The following SDK1 variants were observed in gnomAD, a reference collection of about 807,000 sequenced individuals.
SDK1 encodes sidekick cell adhesion molecule 1, also known as protein sidekick-1.
SDK1 carries 157 observed loss-of-function variants against 245.5 expected under a neutral mutation model. The observed-to-expected ratio is 0.64, with a 90% CI of 0.56 to 0.73. SDK1 has a LOEUF of 0.73. SDK1 is among the 30% of genes least tolerant of loss of function. The pLI, the probability that SDK1 is intolerant of heterozygous loss-of-function variation, is 0.00. For synonymous variants in SDK1, 1,647 were observed against 1,278.5 expected (o/e 1.29, Z -6.15); for missense variants, 3,583 against 3,002.3 (o/e 1.19, Z -4.52).
chr7:3,538,015 G>GT (rs964982601), intron 1 of SDK1, among the ~76,000 whole-genome samples: 24 of 152,154 alleles, frequency 1.6e-4, no homozygotes, highest in Non-Finnish European at 3.1e-4. Context: ...GGCACTGATG[G>GT]TTTTTTTCCT....
intron 1 of SDK1, among the ~76,000 whole-genome samples, chr7:3,364,014 C>T (rs1781021788): frequency 6.6e-6 from 1 of 152,062 alleles, no homozygotes; most frequent in African/African-American, 2.4e-5. Flanking sequence ...TGTGGTGATA[C>T]CTTATTTTGG....
chr7:3,728,010 G>A (rs1779060618), intron 4 of SDK1, among the ~76,000 whole-genome samples: 1 of 152,110 alleles, frequency 6.6e-6, no homozygotes, highest in African/African-American at 2.4e-5. Flanking sequence ...CAGTTTGAAG[G>A]GGCACTGGTT....
intron 1 of SDK1, among the ~76,000 whole-genome samples, chr7:3,354,791 A>C (rs1291741077): frequency 2.0e-5 from 3 of 152,260 alleles, no homozygotes; most frequent in Non-Finnish European, 4.4e-5. Context: ...ATTATTGACT[A>C]GATTATGCTT....
intron 32 of SDK1, among the ~76,000 whole-genome samples, chr7:4,170,316 G>A (rs1462729005): frequency 6.6e-6 from 1 of 152,098 alleles, no homozygotes; most frequent in African/African-American, 2.4e-5. Context: ...GTGTGGTGGT[G>A]CAGGTCTGTA....
chr7:3,503,317 C>T (rs866295983), intron 1 of SDK1, among the ~76,000 whole-genome samples: 74 of 152,294 alleles, frequency 4.9e-4, no homozygotes, highest in Non-Finnish European at 1.6e-4. Context: ...CAAAATGATA[C>T]ATTTTCAGCT....
At chr7:3,801,572 A>G (rs888122643) in intron 4 of SDK1, among the ~76,000 whole-genome samples, 4 of 152,136 alleles carry the variant, frequency 2.6e-5, no homozygotes, top group African/African-American at 9.7e-5. Flanking sequence ...CCAGATCATC[A>G]GGTTTGACGA....
chr7:4,183,240 T>C (rs188019808), intron 35 of SDK1, among the ~76,000 whole-genome samples: 1 of 152,290 alleles, frequency 6.6e-6, no homozygotes, highest in East Asian at 1.9e-4. Context: ...AAAAGATCAA[T>C]TGTAGTTTCT....
intron 1 of SDK1, among the ~76,000 whole-genome samples, chr7:3,542,046 A>G (rs1027019173): frequency 3.1e-4 from 47 of 152,264 alleles, no homozygotes; most frequent in African/African-American, 9.2e-4. Context: ...CTCAAAATTA[A>G]AGTATAATGA....
chr7:3,449,018 T>G (rs953639146), intron 1 of SDK1, among the ~76,000 whole-genome samples: 1 of 152,238 alleles, frequency 6.6e-6, no homozygotes, highest in African/African-American at 2.4e-5. Flanking sequence ...TTTACTCATT[T>G]CTTCTGTAAA....
intron 1 of SDK1, among the ~76,000 whole-genome samples, chr7:3,315,426 G>C (rs1032716179): frequency 6.6e-6 from 1 of 152,096 alleles, no homozygotes; most frequent in African/African-American, 2.4e-5. Context: ...TGTCTCTGGA[G>C]CCCCTGTTCC....
At chr7:3,937,190 G>A (rs771346912) in intron 5 of SDK1, among the ~76,000 whole-genome samples, 6 of 152,086 alleles carry the variant, frequency 3.9e-5, no homozygotes, top group Non-Finnish European at 7.4e-5. Context: ...AGGAAGGACA[G>A]CCTTGTCCCA....
intron 5 of SDK1, among the ~76,000 whole-genome samples, chr7:3,821,785 C>T (rs1341499732): frequency 6.6e-6 from 1 of 151,852 alleles, no homozygotes; most frequent in Non-Finnish European, 1.5e-5. Flanking sequence ...AAATGTGAAT[C>T]TCAGTGGTAC....
At chr7:3,773,098 A>C (rs1443370528) in intron 4 of SDK1, among the ~76,000 whole-genome samples, 3 of 152,158 alleles carry the variant, frequency 2.0e-5, no homozygotes, top group Non-Finnish European at 4.4e-5. Context: ...AAATTTGGGA[A>C]GTTTTCAGCC....
intron 5 of SDK1, among the ~76,000 whole-genome samples, chr7:3,900,497 C>T (rs1260668941): frequency 3.3e-5 from 5 of 152,116 alleles, no homozygotes; most frequent in African/African-American, 9.7e-5. Context: ...TTGCTTCTCT[C>T]GTCCTGCCCA....
chr7:3,607,863 G>T (rs1462571363), intron 1 of SDK1, among the ~76,000 whole-genome samples: 1 of 152,168 alleles, frequency 6.6e-6, no homozygotes, highest in Non-Finnish European at 1.5e-5. Flanking sequence ...GCACACATTG[G>T]GTAATTTAAT....
intron 13 of SDK1, among the ~76,000 whole-genome samples, chr7:3,978,063 C>T (rs1368383137): frequency 6.6e-6 from 1 of 152,130 alleles, no homozygotes; most frequent in African/African-American, 2.4e-5. Flanking sequence ...CTCTTTCCTC[C>T]TTCCTTTCGG....
At chr7:3,529,727 T>A (rs1268041798) in intron 1 of SDK1, among the ~76,000 whole-genome samples, 1 of 152,074 alleles carries the variant, frequency 6.6e-6, no homozygotes, top group Admixed American at 6.5e-5. Flanking sequence ...ATTGATGTAG[T>A]CTTGAGATAT....
intron 1 of SDK1, among the ~76,000 whole-genome samples, chr7:3,499,905 A>G (rs1782144587): frequency 6.6e-6 from 1 of 152,218 alleles, no homozygotes; most frequent in African/African-American, 2.4e-5. Context: ...CACTATGAGT[A>G]GATCAAAGTG....
chr7:3,642,477 G>A (rs975752996), intron 4 of SDK1, among the ~76,000 whole-genome samples: 1 of 152,116 alleles, frequency 6.6e-6, no homozygotes, highest in South Asian at 2.1e-4. Flanking sequence ...TTACAGTGCT[G>A]TGGGGTTTTT....
Sources: gnomAD v4.1 joint callset for allele counts (sites outside exome capture counted in the v4.1 genomes callset) on GRCh38, gnomAD v4.1.1 for gene constraint, MANE v1.5 for transcripts, NCBI Gene and HGNC (gene_info 2026-07-23, HGNC 2026-07-21) for gene names.